The following HECW1 variants were observed in gnomAD, a reference collection of about 807,000 sequenced individuals.
HECW1 encodes HECT, C2 and WW domain containing E3 ubiquitin protein ligase 1, also known as E3 ubiquitin-protein ligase HECW1.
A neutral mutation model predicts 182.3 loss-of-function variants in HECW1; 61 were observed. The ratio of observed to expected loss-of-function variants is 0.33; its 90% CI spans 0.27 to 0.41. The LOEUF (loss-of-function observed/expected upper bound fraction) is 0.41, where lower values mean the gene tolerates loss of function less well. Among genes scored for constraint, HECW1 ranks in the 10% least tolerant of loss-of-function variants. The probability of loss-of-function intolerance (pLI) is 1.00; values close to 1 mark genes in which losing one functional copy is unlikely to be tolerated. For missense variants in HECW1, 1,739 were observed against 2,108.9 expected, an observed-to-expected ratio of 0.82 and a Z score of 3.44; for synonymous variants, 859 against 832.6, an observed-to-expected ratio of 1.03 and a Z score of -0.55.
At chr7:43,272,860 A>C (rs1390101765) in intron 3 of HECW1, among the ~76,000 whole-genome samples, 1 of 152,322 alleles carries the variant, frequency 6.6e-6, no homozygotes, top group Non-Finnish European at 1.5e-5. Flanking sequence ...CCAAAAAGAC[A>C]CAGGCAAATG....
At chr7:43,198,942 T>C (rs1794783048) in intron 2 of HECW1, among the ~76,000 whole-genome samples, 1 of 152,220 alleles carries the variant, frequency 6.6e-6, no homozygotes, top group Non-Finnish European at 1.5e-5. Flanking sequence ...CTCTGAAGGC[T>C]CTCACAGCAT....
intron 5 of HECW1, among the ~76,000 whole-genome samples, chr7:43,332,262 A>G (rs1811595494): frequency 6.6e-6 from 1 of 152,212 alleles, no homozygotes. Flanking sequence ...ATACAAAATG[A>G]ATCTCTTTTG....
chr7:43,343,574 T>A (rs960359937), intron 5 of HECW1, among the ~76,000 whole-genome samples: 19 of 151,792 alleles, frequency 1.3e-4, no homozygotes, highest in South Asian at 6.2e-4. Context: ...GCTTCATCCA[T>A]GTCCCTGCAA....
chr7:43,538,752 T>C (rs758230454), intron 24 of HECW1, among the ~76,000 whole-genome samples: 4 of 152,246 alleles, frequency 2.6e-5, no homozygotes, highest in Non-Finnish European at 4.4e-5. Flanking sequence ...TGAGATATTG[T>C]AAATAACGTG....
chr7:43,293,184 C>A (rs1489068198), intron 3 of HECW1, among the ~76,000 whole-genome samples: 1 of 143,624 alleles, frequency 7.0e-6, no homozygotes, highest in Non-Finnish European at 1.5e-5. Context: ...TGTGCCACTG[C>A]GCTCCAGCCT....
At chr7:43,342,745 G>T (rs1366898830) in intron 5 of HECW1, among the ~76,000 whole-genome samples, 2 of 151,758 alleles carry the variant, frequency 1.3e-5, no homozygotes, top group African/African-American at 4.9e-5. Context: ...ATACATAGAG[G>T]CCGGGCATGG....
At chr7:43,481,257 C>T (rs960737025) in intron 17 of HECW1, among the ~76,000 whole-genome samples, 2 of 152,136 alleles carry the variant, frequency 1.3e-5, no homozygotes, top group African/African-American at 4.8e-5. Context: ...TCACAAAGTA[C>T]AAGGTGGGTT....
intron 2 of HECW1, among the ~76,000 whole-genome samples, chr7:43,132,326 C>T (rs17172162): frequency 0.021 from 3,218 of 152,186 alleles, 120 homozygotes; most frequent in African/African-American, 0.074. Context: ...CAGATGTCTC[C>T]ATCAAAAAGT....
intron 2 of HECW1, among the ~76,000 whole-genome samples, chr7:43,171,298 C>T (rs2152667412): frequency 6.6e-6 from 1 of 152,310 alleles, no homozygotes; most frequent in East Asian, 1.9e-4. Flanking sequence ...AACACAGGCA[C>T]ATACACACAC....
At position 43,435,339 on chromosome 7, in the gene HECW1, C is replaced by T. The variant is rs575216111; in HGVS notation, c.802-2664C>T. Reference sequence around the variant, plus strand: ...AGGGCTGGATTCTCACTTAGGAAGGCCTTTTTAGAGTAGTACCTATTCCTG... The same window carrying T: ...AGGGCTGGATTCTCACTTAGGAAGGTCTTTTTAGAGTAGTACCTATTCCTG... On this transcript the variant is annotated intron_variant, in intron 8 of 29. Transcript: ENST00000395891. 1.9e-4 allele frequency among the ~76,000 whole-genome samples: 29 copies of T among 152,172 alleles called. 1 individual carries two copies. In the South Asian group the frequency reaches 5.6e-3, roughly 29 times the overall value.
At chr7:43,491,029 A>G (rs974608610) in intron 17 of HECW1, among the ~76,000 whole-genome samples, 1 of 152,244 alleles carries the variant, frequency 6.6e-6, no homozygotes, top group Admixed American at 6.5e-5. Context: ...CTGGGATTAC[A>G]GGTGTGAGCC....
chr7:43,223,829 C>T (rs1161864586), intron 2 of HECW1, among the ~76,000 whole-genome samples: 1 of 152,186 alleles, frequency 6.6e-6, no homozygotes, highest in Non-Finnish European at 1.5e-5. Context: ...AGGGCCTTTG[C>T]CTGTGCCATT....
chr7:43,163,433 G>A (rs1296933392), intron 2 of HECW1, among the ~76,000 whole-genome samples: 2 of 152,172 alleles, frequency 1.3e-5, no homozygotes, highest in Admixed American at 6.5e-5. Context: ...TGTCCGGGGG[G>A]AGGTGCTGCG....
In HECW1 at chr7:43,243,914, G is replaced by A. The variant is rs751146385; in HGVS notation, c.9G>A (p.Leu3=). Residue 3 remains leucine (L), a synonymous_variant, in exon 3 of 30, where the codon CTG becomes CTA. Transcript: ENST00000395891. This position sits in a 1 kb window ranked among gnomAD's most constrained non-coding sequence, Gnocchi z 4.0. ML[L]HLCSVKNLYQ... Reference sequence around the variant, plus strand: ...ACACGTGGTGGGTCATTATGCTGCTGCACCTGTGTAGTGTGAAGGTCAGTG... The same window carrying A: ...ACACGTGGTGGGTCATTATGCTGCTACACCTGTGTAGTGTGAAGGTCAGTG... The A allele has an allele frequency of 6.2e-7, 1 of 1,613,016 alleles. No homozygotes were observed. The highest frequency in any genetic ancestry group is 8.5e-7 in the Non-Finnish European group (1 of 1,179,024).
intron 6 of HECW1, among the ~76,000 whole-genome samples, chr7:43,385,635 C>G (rs926585126): frequency 6.6e-6 from 1 of 152,034 alleles, no homozygotes; most frequent in Non-Finnish European, 1.5e-5. Context: ...AGGCCAATTA[C>G]ACAGTTCATG....
At chr7:43,333,454 T>C (rs900614165) in intron 5 of HECW1, among the ~76,000 whole-genome samples, 1 of 152,222 alleles carries the variant, frequency 6.6e-6, no homozygotes, top group Non-Finnish European at 1.5e-5. Flanking sequence ...CATTTGTATA[T>C]GCATTTATAA....
chr7:43,390,520 G>A (rs1047786087), intron 6 of HECW1, among the ~76,000 whole-genome samples: 3 of 144,616 alleles, frequency 2.1e-5, no homozygotes, highest in Non-Finnish European at 4.5e-5. Flanking sequence ...AGCCTGGGTG[G>A]CACAGCAAGC....
At chr7:43,121,525 A>T (rs957335180) in intron 2 of HECW1, among the ~76,000 whole-genome samples, 3 of 152,226 alleles carry the variant, frequency 2.0e-5, no homozygotes, top group African/African-American at 7.2e-5. Flanking sequence ...TTGTGTAAAC[A>T]TACAGTGATA....
At chr7:43,226,814 C>T (rs941215218) in intron 2 of HECW1, among the ~76,000 whole-genome samples, 2 of 152,326 alleles carry the variant, frequency 1.3e-5, no homozygotes, top group African/African-American at 2.4e-5. Context: ...CGCACATGGG[C>T]GCCCTCTGCA....
Sources: gnomAD v4.1 joint callset for allele counts (sites outside exome capture counted in the v4.1 genomes callset) on GRCh38, gnomAD v4.1.1 for gene constraint, Gnocchi (gnomAD v3.1) non-coding constraint, MANE v1.5 for transcripts, NCBI Gene and HGNC (gene_info 2026-07-23, HGNC 2026-07-21) for gene names.